The following PKNOX2 variants were observed in gnomAD, a reference collection of about 807,000 sequenced individuals.
The protein encoded by PKNOX2 is homeobox protein PKNOX2.
A neutral mutation model predicts 53.1 loss-of-function variants in PKNOX2; 14 were observed. That is an observed-to-expected ratio of 0.26 (90% confidence interval 0.17 to 0.41). The LOEUF is 0.41. PKNOX2 is among the 10% of genes least tolerant of loss of function. PKNOX2 has a pLI of 1.00. For missense variants in PKNOX2, 496 were observed against 602.8 expected, an observed-to-expected ratio of 0.82 and a Z score of 1.85; for synonymous variants, 257 against 242.8, an observed-to-expected ratio of 1.06 and a Z score of -0.54.
Position 125,410,885 on chromosome 11 carries a change from GT to G in PKNOX2, c.816+10del, listed in dbSNP as rs754060321. The G allele has an allele frequency of 6.2e-7, 1 of 1,609,704 alleles. No homozygotes were observed. Among genetic ancestry groups the G allele is most frequent in the South Asian group, 1.1e-5 (1 of 90,986 alleles). Reference sequence around the variant, plus strand: ...AGATCCAGAACACACAGGTGAGTGTGTGTAGGTGTGTGCACATGTGCATGGT... The same window carrying G: ...AGATCCAGAACACACAGGTGAGTGTGGTAGGTGTGTGCACATGTGCATGGT... On this transcript the variant is annotated intron_variant, in intron 9 of 12. Coordinates refer to ENST00000298282, the MANE Select transcript of PKNOX2 (RefSeq NM_001382323.2).
chr11:125,306,190 G>A (rs750700255), intron 2 of PKNOX2, among the ~76,000 whole-genome samples: 6 of 141,238 alleles, frequency 4.2e-5, no homozygotes, highest in Non-Finnish European at 6.2e-5. Flanking sequence ...ATACCTGCCC[G>A]GCGGCAGGTG....
intron 2 of PKNOX2, among the ~76,000 whole-genome samples, chr11:125,298,806 A>G (rs1252688663): frequency 6.6e-6 from 1 of 151,738 alleles, no homozygotes; most frequent in Non-Finnish European, 1.5e-5. Flanking sequence ...GGTCTCCGCA[A>G]CTCCTGTGGC....
At chr11:125,173,209 T>C (rs1422200034) in intron 1 of PKNOX2, among the ~76,000 whole-genome samples, 1 of 152,226 alleles carries the variant, frequency 6.6e-6, no homozygotes, top group Non-Finnish European at 1.5e-5. Flanking sequence ...GGCAAGCTCA[T>C]GTTGAATAAA....
chr11:125,263,317 C>T (rs1945027862), intron 2 of PKNOX2, among the ~76,000 whole-genome samples: 1 of 152,250 alleles, frequency 6.6e-6, no homozygotes, highest in Admixed American at 6.5e-5. Flanking sequence ...CTTCCCGTCC[C>T]TAGCAGTGGG....
At chr11:125,218,292 C>T (rs566142666) in intron 1 of PKNOX2, among the ~76,000 whole-genome samples, 2 of 151,788 alleles carry the variant, frequency 1.3e-5, no homozygotes, top group Non-Finnish European at 2.9e-5. Flanking sequence ...TTGTCCCTGC[C>T]GTCAAGGAAC....
chr11:125,336,837 T>C (rs1385419677), intron 3 of PKNOX2, among the ~76,000 whole-genome samples: 2 of 147,456 alleles, frequency 1.4e-5, no homozygotes, highest in Non-Finnish European at 3.0e-5. Flanking sequence ...TAGTATAATA[T>C]ACATTATATA....
At chr11:125,311,528 C>G (rs1202050360) in intron 2 of PKNOX2, among the ~76,000 whole-genome samples, 1 of 152,166 alleles carries the variant, frequency 6.6e-6, no homozygotes, top group African/African-American at 2.4e-5. Context: ...GAGCCCATGT[C>G]TGCCTGGGAA....
chr11:125,398,569 G>A (rs538271996), intron 7 of PKNOX2, among the ~76,000 whole-genome samples: 1 of 152,256 alleles, frequency 6.6e-6, no homozygotes, highest in Non-Finnish European at 1.5e-5. Flanking sequence ...ACGCTACTCT[G>A]GCATCTCTGT....
chr11:125,321,973 T>C (rs991709351), intron 2 of PKNOX2, among the ~76,000 whole-genome samples: 2 of 152,150 alleles, frequency 1.3e-5, no homozygotes, highest in Non-Finnish European at 2.9e-5. Context: ...ACCAATCCCA[T>C]TGATGAGGGC....
At chr11:125,349,837 TCACACACACACACACACACACA>T (rs60332384) in intron 3 of PKNOX2, among the ~76,000 whole-genome samples, 5 of 138,040 alleles carry the variant, frequency 3.6e-5, no homozygotes, top group Non-Finnish European at 7.8e-5. Flanking sequence ...ACCAAAAGAA[TCACACACACACACACACACACA>T]CACACACACA....
At chr11:125,407,980 C>T (rs965206525) in intron 7 of PKNOX2, among the ~76,000 whole-genome samples, 7 of 152,164 alleles carry the variant, frequency 4.6e-5, no homozygotes, top group Admixed American at 1.3e-4. Context: ...GCCTTTCCTC[C>T]AGTGCCCACG....
chr11:125,330,613 C>T (rs192678501), intron 2 of PKNOX2, among the ~76,000 whole-genome samples: 12 of 152,170 alleles, frequency 7.9e-5, no homozygotes, highest in African/African-American at 2.4e-4. Flanking sequence ...CTCTCTTCTG[C>T]CACCAGGAAT....
intron 7 of PKNOX2, among the ~76,000 whole-genome samples, chr11:125,409,308 A>C (rs1200739445): frequency 6.6e-6 from 1 of 152,134 alleles, no homozygotes; most frequent in East Asian, 1.9e-4. Flanking sequence ...TGGTGAGGAG[A>C]GCAGAGGGCC....
At position 125,430,137 on chromosome 11, in the gene PKNOX2, C is replaced by T. The variant is rs754351762; in HGVS notation, c.1188C>T (p.Pro396=). Residue 396 remains proline, a synonymous_variant, in exon 12 of 13, where the codon CCC becomes CCT. Transcript: ENST00000298282. ...QQQGGAPGTN[P]DGSINLDNLQ... Reference sequence around the variant, plus strand: ...AGGGCGGTGCCCCAGGGACAAACCCCGATGGTAAGAACTGGGGCTGAGTGC... The same window carrying T: ...AGGGCGGTGCCCCAGGGACAAACCCTGATGGTAAGAACTGGGGCTGAGTGC... 7.4e-6 allele frequency: 12 copies of T among 1,613,632 alleles called. No individual in the cohort carries two copies. Among genetic ancestry groups the T allele is most frequent in the African/African-American group, 6.7e-5 (5 of 74,896 alleles).
At chr11:125,374,075 G>C (rs1251502708) in intron 5 of PKNOX2, among the ~76,000 whole-genome samples, 1 of 152,160 alleles carries the variant, frequency 6.6e-6, no homozygotes, top group Non-Finnish European at 1.5e-5. Context: ...CTGGGAACTG[G>C]AACTTCCTAA....
chr11:125,260,433 G>T (rs563673192), intron 2 of PKNOX2, among the ~76,000 whole-genome samples: 1 of 151,918 alleles, frequency 6.6e-6, no homozygotes, highest in African/African-American at 2.4e-5. Context: ...TCCTGACCTC[G>T]TGATCTGCCT....
At chr11:125,321,003 T>C (rs1949488172) in intron 2 of PKNOX2, among the ~76,000 whole-genome samples, 1 of 152,238 alleles carries the variant, frequency 6.6e-6, no homozygotes, top group Non-Finnish European at 1.5e-5. Flanking sequence ...CAGTGTGCCA[T>C]GGCTGTAAAG....
In PKNOX2 at chr11:125,393,760, G is replaced by C. The variant is rs535256451; in HGVS notation, c.400-4114G>C. On this transcript the variant is annotated intron_variant, in intron 6 of 12. Coordinates refer to ENST00000298282, the MANE Select transcript of PKNOX2 (RefSeq NM_001382323.2). ...TGAGAAAAGGCACATTACCAGGAAG[G>C]GTTCTGGAAATCCTAAACTTTGATG... 1.9e-3 allele frequency among the ~76,000 whole-genome samples: 291 copies of C among 152,144 alleles called. 7 individuals carry two copies. The highest frequency in any genetic ancestry group is 5.1e-3 in the African/African-American group (212 of 41,484).
At chr11:125,175,227 GGAAGGAAGGAAGGAAGGAAGGAAA>G (rs1159496962) in intron 1 of PKNOX2, among the ~76,000 whole-genome samples, 2 of 148,068 alleles carry the variant, frequency 1.4e-5, no homozygotes, top group South Asian at 2.2e-4. Flanking sequence ...AAGGAAGGAA[GGAAGGAAGGAAGGAAGGAAGGAAA>G]GAAGGAAGGA....
Sources: allele counts gnomAD v4.1 joint callset (sites outside exome capture counted in the v4.1 genomes callset), GRCh38; gene constraint gnomAD v4.1.1; transcripts MANE v1.5; gene names NCBI Gene and HGNC (gene_info 2026-07-23, HGNC 2026-07-21).